CNTFR: variants seen among roughly 807,000 people sequenced by gnomAD.
CNTFR encodes the protein ciliary neurotrophic factor receptor.
In CNTFR, 12 loss-of-function variants were observed where a neutral mutation model predicts 40.4. The observed-to-expected ratio is 0.30, with a 90% CI of 0.19 to 0.48. The LOEUF (loss-of-function observed/expected upper bound fraction) is 0.48, where lower values mean the gene tolerates loss of function less well. CNTFR is among the 20% of genes least tolerant of loss of function. CNTFR has a pLI of 0.99. For synonymous variants in CNTFR, 202 were observed against 209.6 expected, an observed-to-expected ratio of 0.96 and a Z score of 0.31; for missense variants, 414 against 506.8, an observed-to-expected ratio of 0.82 and a Z score of 1.76.
At chr9:34,587,704 C>T (rs771979624) in intron 1 of CNTFR, among the ~76,000 whole-genome samples, 1 of 152,074 alleles carries the variant, frequency 6.6e-6, no homozygotes, top group African/African-American at 2.4e-5. Context: ...CTGACTAACT[C>T]GGAGTCCCAG....
chr9:34,553,997 T>A (rs1461138308), intron 7 of CNTFR, among the ~76,000 whole-genome samples: 2 of 151,958 alleles, frequency 1.3e-5, no homozygotes, highest in African/African-American at 4.8e-5. Context: ...TGTCTGGGCA[T>A]GTGCGGTGGG....
At chr9:34,568,850 C>T in intron 3 of CNTFR, 47 bp downstream of exon 3, 2 of 1,521,128 alleles carry the variant, frequency 1.3e-6, no homozygotes, top group South Asian at 1.2e-5. Context: ...AGGGTTCATG[C>T]CCAGCTCTGA....
intron 2 of CNTFR, among the ~76,000 whole-genome samples, chr9:34,577,409 C>T (rs143138279): frequency 1.3e-5 from 2 of 152,220 alleles, no homozygotes; most frequent in Non-Finnish European, 2.9e-5. Flanking sequence ...ACAAAAGAAA[C>T]CAGGCAGCAG....
chr9:34,571,010 C>A (rs957913460), intron 2 of CNTFR, among the ~76,000 whole-genome samples: 12 of 152,182 alleles, frequency 7.9e-5, no homozygotes, highest in Non-Finnish European at 1.8e-4. Flanking sequence ...CAGTAAATCT[C>A]TCTGTGTCCT....
chr9:34,564,889 C>T (rs900158268), intron 3 of CNTFR, 57 bp from the exon 4 acceptor site: 5 of 1,473,484 alleles, frequency 3.4e-6, no homozygotes, highest in Non-Finnish European at 4.7e-6. Flanking sequence ...GCCCAGCACC[C>T]GCAGGCGAGC....
intron 4 of CNTFR, among the ~76,000 whole-genome samples, chr9:34,564,229 T>C (rs1826186285): frequency 6.6e-6 from 1 of 152,116 alleles, no homozygotes; most frequent in South Asian, 2.1e-4. Flanking sequence ...GACTAGCCCT[T>C]GTGGGAGCAG....
upstream of CNTFR, among the ~76,000 whole-genome samples, chr9:34,590,523 G>A (rs114220557): frequency 6.6e-6 from 1 of 152,210 alleles, no homozygotes; most frequent in Non-Finnish European, 1.5e-5. Flanking sequence ...GGGCTTCCTT[G>A]ACCGGGGATG....
Position 34,552,892 on chromosome 9 carries a change from TG to T in CNTFR, c.769-39del, listed in dbSNP as rs1381826598. The T allele has an allele frequency of 1.3e-6, 2 of 1,595,154 alleles. No homozygotes were observed. The highest frequency in any genetic ancestry group is 1.1e-5 in the South Asian group (1 of 90,052). ...CATGGGGTGGGGGTAAGGACACACC[TG>T]GGGGCCAGGAGGGTGAGGTCCCTCC... On this transcript the variant is annotated intron_variant, in intron 7 of 9. Coordinates refer to ENST00000378980, the MANE Select transcript of CNTFR (RefSeq NM_147164.3). This position sits in a 1 kb window ranked among gnomAD's most constrained non-coding sequence, Gnocchi z 5.1.
At chr9:34,571,681 G>A (rs567583795) in intron 2 of CNTFR, among the ~76,000 whole-genome samples, 9 of 152,130 alleles carry the variant, frequency 5.9e-5, no homozygotes, top group African/African-American at 1.9e-4. Flanking sequence ...CTGGGCCAAC[G>A]GGGCTGCAGC....
chr9:34,562,815 C>T (rs969622508), intron 4 of CNTFR, among the ~76,000 whole-genome samples: 7 of 152,178 alleles, frequency 4.6e-5, no homozygotes, highest in Non-Finnish European at 4.4e-5. Context: ...CCCACCTCAC[C>T]CTCAGCAATG....
At chr9:34,573,655 G>A (rs1238912256) in intron 2 of CNTFR, among the ~76,000 whole-genome samples, 1 of 152,168 alleles carries the variant, frequency 6.6e-6, no homozygotes, top group African/African-American at 2.4e-5. Context: ...TCCAGTCCCC[G>A]CTCTGACTCC....
At chr9:34,578,391 GA>G (rs1259069232) in intron 2 of CNTFR, among the ~76,000 whole-genome samples, 1 of 152,120 alleles carries the variant, frequency 6.6e-6, no homozygotes, top group Non-Finnish European at 1.5e-5. Flanking sequence ...TGGGGGAGGG[GA>G]GGCAGAAGGG....
Position 34,563,957 on chromosome 9 carries a change from C to T in CNTFR, c.319+642G>A, listed in dbSNP as rs572726896. Reference sequence around the variant, plus strand: ...CAGCTTGCAGGATCATGATCTGCCCCCCGTCCCTTCCTTCAGCTCCCTCTC... The same window carrying T: ...CAGCTTGCAGGATCATGATCTGCCCTCCGTCCCTTCCTTCAGCTCCCTCTC... On this transcript the variant is annotated intron_variant, in intron 4 of 9. Coordinates refer to ENST00000378980, the MANE Select transcript of CNTFR (RefSeq NM_147164.3). Among the ~76,000 whole-genome samples the T allele has an allele frequency of 1.2e-4, 18 of 152,288 alleles. No homozygotes were observed. The South Asian group carries it at 3.7e-3, about 32-fold the overall frequency.
At chr9:34,560,812 C>T (rs1045444014) in intron 4 of CNTFR, among the ~76,000 whole-genome samples, 6 of 152,190 alleles carry the variant, frequency 3.9e-5, no homozygotes, top group East Asian at 1.9e-4. Flanking sequence ...GCTGTGTGCG[C>T]GTGTGTATGT....
At chr9:34,586,790 T>C (rs1308602769) in intron 1 of CNTFR, among the ~76,000 whole-genome samples, 1 of 152,134 alleles carries the variant, frequency 6.6e-6, no homozygotes, top group Non-Finnish European at 1.5e-5. Context: ...TCCCCTCCAT[T>C]AGCCCACAGC....
At chr9:34,586,699 A>C (rs1001003346) in intron 1 of CNTFR, among the ~76,000 whole-genome samples, 1 of 152,114 alleles carries the variant, frequency 6.6e-6, no homozygotes, top group African/African-American at 2.4e-5. Flanking sequence ...CCAACAATCC[A>C]CTCAGATCTT....
chr9:34,573,330 T>G (rs1049082217), intron 2 of CNTFR, among the ~76,000 whole-genome samples: 1 of 152,178 alleles, frequency 6.6e-6, no homozygotes, highest in Admixed American at 6.5e-5. Context: ...TGAGCACCAC[T>G]AACTGCGTCT....
intron 7 of CNTFR, among the ~76,000 whole-genome samples, chr9:34,553,242 G>A (rs1825708636): frequency 6.6e-6 from 1 of 152,134 alleles, no homozygotes; most frequent in African/African-American, 2.4e-5. Flanking sequence ...GGGGTGAGAG[G>A]AGATGGTAAT....
chr9:34,567,337 C>T (rs1826354310), intron 3 of CNTFR, among the ~76,000 whole-genome samples: 1 of 152,180 alleles, frequency 6.6e-6, no homozygotes, highest in Non-Finnish European at 1.5e-5. Flanking sequence ...CACCTGCACA[C>T]ACAGGCTCAC....
Sources: allele counts gnomAD v4.1 joint callset (sites outside exome capture counted in the v4.1 genomes callset), GRCh38; gene constraint gnomAD v4.1.1; non-coding constraint Gnocchi (gnomAD v3.1); transcripts MANE v1.5; gene names NCBI Gene and HGNC (gene_info 2026-07-23, HGNC 2026-07-21).